Variants in CSMD1 observed in about 807,000 individuals in gnomAD.
The protein encoded by CSMD1 is CUB and sushi domain-containing protein 1.
CSMD1 carries 213 observed loss-of-function variants against 417.5 expected under a neutral mutation model. The observed-to-expected ratio is 0.51, with a 90% CI of 0.46 to 0.57. CSMD1 has a LOEUF of 0.57. CSMD1 is among the 20% of genes least tolerant of loss of function. The pLI is 0.00. For missense variants in CSMD1, 6,923 were observed against 4,529.7 expected (o/e 1.53, Z -15.17); for synonymous variants, 2,862 against 1,736.8 (o/e 1.65, Z -16.11).
chr8:3,625,399 T>C (rs974120034), intron 7 of CSMD1, among the ~76,000 whole-genome samples: 8 of 150,824 alleles, frequency 5.3e-5, no homozygotes, highest in Non-Finnish European at 8.9e-5. Flanking sequence ...GTTTAACTTA[T>C]TACATTGCCA....
rs566256344 is a variant in CSMD1, at chr8:3,242,397, T to C, written c.4154-12166A>G. Among the ~76,000 whole-genome samples, 342 of 151,278 alleles carry C rather than the reference T, an allele frequency of 2.3e-3. 1 individual carries two copies. Among genetic ancestry groups the C allele is most frequent in the African/African-American group, 8.0e-3 (331 of 41,224 alleles). On this transcript the variant is annotated intron_variant, in intron 26 of 69. Transcript: ENST00000635120. ...CAGGTAGGAGGGAAAGAAGGAAGAT[T>C]TGGGATGAGTTGCATGGGAACAGAG...
At chr8:4,076,132 G>A (rs1332796412) in intron 3 of CSMD1, among the ~76,000 whole-genome samples, 1 of 152,150 alleles carries the variant, frequency 6.6e-6, no homozygotes, top group Non-Finnish European at 1.5e-5. Flanking sequence ...GACCCTGTAG[G>A]AGGTAACTGA....
chr8:3,793,658 C>G (rs1241912715), intron 5 of CSMD1, among the ~76,000 whole-genome samples: 1 of 152,092 alleles, frequency 6.6e-6, no homozygotes, highest in Non-Finnish European at 1.5e-5. Context: ...GATGATCTCT[C>G]AGCATTTGTA....
At chr8:4,157,148 G>C (rs927003370) in intron 3 of CSMD1, among the ~76,000 whole-genome samples, 1 of 152,074 alleles carries the variant, frequency 6.6e-6, no homozygotes, top group Non-Finnish European at 1.5e-5. Context: ...ATTTTTAAGT[G>C]GTAGAAGAAA....
At chr8:4,293,958 T>A (rs1325137962) in intron 3 of CSMD1, among the ~76,000 whole-genome samples, 2 of 151,898 alleles carry the variant, frequency 1.3e-5, no homozygotes, top group African/African-American at 4.8e-5. Context: ...TTCTACAAGT[T>A]CTAAAGCTGG....
chr8:4,260,132 C>T (rs550822528), intron 3 of CSMD1, among the ~76,000 whole-genome samples: 1 of 152,246 alleles, frequency 6.6e-6, no homozygotes, highest in Admixed American at 6.5e-5. Flanking sequence ...TAAGTCAATG[C>T]ACCTGATCTA....
intron 3 of CSMD1, among the ~76,000 whole-genome samples, chr8:4,315,261 G>C (rs776490009): frequency 2.6e-5 from 4 of 152,140 alleles, no homozygotes; most frequent in Non-Finnish European, 4.4e-5. Context: ...GAGTGAGGTA[G>C]GGTTTATGAA....
chr8:4,197,508 T>G (rs1250246858), intron 3 of CSMD1, among the ~76,000 whole-genome samples: 1 of 152,204 alleles, frequency 6.6e-6, no homozygotes, highest in African/African-American at 2.4e-5. Context: ...CTCTGTCAAG[T>G]AAGACAGAGT....
chr8:3,278,646 A>G (rs1802493897), intron 26 of CSMD1: 1 of 104,020 alleles, frequency 9.6e-6, no homozygotes. Context: ...TTATAGGTAA[A>G]GTTCCTCGTT....
chr8:3,336,806 G>C (rs916386028), intron 23 of CSMD1, among the ~76,000 whole-genome samples: 3 of 152,130 alleles, frequency 2.0e-5, no homozygotes, highest in African/African-American at 7.2e-5. Context: ...GGGCTTCCAG[G>C]ACAGGCACAG....
At chr8:4,389,398 A>T (rs1803693884) in intron 3 of CSMD1, among the ~76,000 whole-genome samples, 1 of 152,212 alleles carries the variant, frequency 6.6e-6, no homozygotes, top group Non-Finnish European at 1.5e-5. Flanking sequence ...GGTCCCCAGA[A>T]TTAGACCATA....
chr8:4,155,910 A>T (rs146381531), intron 3 of CSMD1, among the ~76,000 whole-genome samples: 2 of 152,290 alleles, frequency 1.3e-5, no homozygotes, highest in African/African-American at 4.8e-5. Flanking sequence ...TGCGGGAATG[A>T]GCTTTTGAGG....
At chr8:3,345,397 C>G (rs990123692) in intron 22 of CSMD1, among the ~76,000 whole-genome samples, 1 of 152,104 alleles carries the variant, frequency 6.6e-6, no homozygotes, top group African/African-American at 2.4e-5. Context: ...ACCACCGAAA[C>G]CCCAGAGAAA....
chr8:4,365,611 G>A (rs1481170092), intron 3 of CSMD1, among the ~76,000 whole-genome samples: 2 of 152,144 alleles, frequency 1.3e-5, no homozygotes, highest in Non-Finnish European at 2.9e-5. Context: ...CTTTGTACTT[G>A]ATTTGTTTAC....
intron 3 of CSMD1, among the ~76,000 whole-genome samples, chr8:4,183,401 G>C (rs957026616): frequency 1.3e-5 from 2 of 152,166 alleles, no homozygotes; most frequent in Non-Finnish European, 2.9e-5. Context: ...TGATGTAAAA[G>C]CAACTCCATA....
chr8:4,656,545 G>T (rs1277541848), intron 1 of CSMD1, among the ~76,000 whole-genome samples: 1 of 152,064 alleles, frequency 6.6e-6, no homozygotes, highest in Non-Finnish European at 1.5e-5. Flanking sequence ...GTTCAAATCT[G>T]ATGCCATATT....
At chr8:4,262,973 T>A (rs17069772) in intron 3 of CSMD1, among the ~76,000 whole-genome samples, 13,541 of 152,196 alleles carry the variant, frequency 0.089, 887 homozygotes, top group East Asian at 0.36. Flanking sequence ...CCAAGTAGAA[T>A]CACATTTTAT....
chr8:3,416,187 A>C (rs1463049018), intron 12 of CSMD1, among the ~76,000 whole-genome samples: 2 of 146,886 alleles, frequency 1.4e-5, no homozygotes, highest in Non-Finnish European at 3.0e-5. Context: ...TGTAATTCCC[A>C]GCTACTCGGG....
chr8:3,585,996 C>T lies in CSMD1; in HGVS notation c.1222+140G>A, dbSNP rs1049197376. The T allele has an allele frequency of 6.0e-6, 5 of 828,312 alleles. No individual in the cohort carries two copies. In the African/African-American group the frequency reaches 8.7e-5, roughly 14 times the overall value. The allele number at this position is 828,312 out of a possible 1,614,324, so 51.3% of individuals were successfully genotyped here. On this transcript the variant is annotated intron_variant, in intron 9 of 69. Coordinates refer to ENST00000635120, the MANE Select transcript of CSMD1 (RefSeq NM_033225.6). The stretch of plus-strand genomic sequence containing the variant: ...CCAAGGAAAGGTTTCTGTTATTACC[C>T]ACATCACTATGAAAACATACATTAC...
Sources: allele counts gnomAD v4.1 joint callset (sites outside exome capture counted in the v4.1 genomes callset), GRCh38; gene constraint gnomAD v4.1.1; transcripts MANE v1.5; gene names NCBI Gene and HGNC (gene_info 2026-07-23, HGNC 2026-07-21).